The following SPDYA variants were observed in gnomAD, a reference collection of about 807,000 sequenced individuals.
The protein encoded by SPDYA is speedy protein A.
Under a neutral mutation model 36.7 loss-of-function variants are expected in SPDYA, and 11 were observed. That is an observed-to-expected ratio of 0.30 (90% CI 0.19 to 0.50). The LOEUF is 0.50. SPDYA is among the 20% of genes least tolerant of loss of function. The pLI, the probability that SPDYA is intolerant of heterozygous loss-of-function variation, is 0.98. For missense variants in SPDYA, 287 were observed against 370.9 expected, an observed-to-expected ratio of 0.77 and a Z score of 1.86; for synonymous variants, 115 against 118.7, an observed-to-expected ratio of 0.97 and a Z score of 0.20.
chr2:28,831,712 CA>C (rs1235371860), intron 6 of SPDYA, among the ~76,000 whole-genome samples: 1 of 152,184 alleles, frequency 6.6e-6, no homozygotes, highest in Admixed American at 6.5e-5. Context: ...CCTCACACTT[CA>C]ATTACAACAA....
At chr2:28,834,153 G>T (rs1668536801) in intron 6 of SPDYA, among the ~76,000 whole-genome samples, 1 of 151,718 alleles carries the variant, frequency 6.6e-6, no homozygotes, top group African/African-American at 2.4e-5. Context: ...GTCAGGGATT[G>T]CAAATCAAAA....
intron 5 of SPDYA, among the ~76,000 whole-genome samples, chr2:28,824,743 G>T (rs1668276601): frequency 6.6e-6 from 1 of 151,710 alleles, no homozygotes; most frequent in Non-Finnish European, 1.5e-5. Context: ...TAGAGATGGG[G>T]TTTCACTGTG....
At chr2:28,822,238 C>G in intron 4 of SPDYA, 87 bp from the exon 5 acceptor site, 1 of 559,506 alleles carries the variant, frequency 1.8e-6, no homozygotes, top group Non-Finnish European at 3.1e-6. Context: ...GCTTATTCAT[C>G]AGAAAATTTT....
intron 2 of SPDYA, among the ~76,000 whole-genome samples, chr2:28,815,674 A>G (rs1331030047): frequency 2.0e-5 from 3 of 152,214 alleles, no homozygotes; most frequent in Non-Finnish European, 4.4e-5. Context: ...GCCGGAAAAA[A>G]GAAGACTACA....
rs144755687 is a variant in SPDYA, at chr2:28,832,581, A to T, written c.552+3262A>T. ...CTCAAACTTAACGTGCCTAAAATTG[A>T]ACTCCTGACTCCTTGACACAGACCT... On this transcript the variant is annotated intron_variant, in intron 6 of 7. Transcript: ENST00000334056. 1.8e-3 allele frequency among the ~76,000 whole-genome samples: 269 copies of T among 152,264 alleles called. 1 individual carries two copies. The highest frequency in any genetic ancestry group is 2.4e-3 in the Non-Finnish European group (160 of 68,024).
In SPDYA at chr2:28,811,693, G is replaced by A. The variant is rs1234718720; in HGVS notation, c.-93+746G>A. On this transcript the variant is annotated intron_variant, in intron 1 of 7. Transcript: ENST00000334056. This position sits in a 1 kb window ranked among gnomAD's most constrained non-coding sequence, Gnocchi z 4.2. ...AAAAATTAACCGGGCATGGTGGTGC[G>A]CACTTGTAATCCCAGCTACTTGGGA... 6.6e-6 allele frequency among the ~76,000 whole-genome samples: 1 copy of A among 152,000 alleles called. No homozygotes were observed. Among genetic ancestry groups the A allele is most frequent in the Non-Finnish European group, 1.5e-5 (1 of 68,014 alleles).
At chr2:28,814,754 T>G (rs1445042603) in intron 2 of SPDYA, 68 bp downstream of exon 2, 2 of 152,186 alleles carry the variant, frequency 1.3e-5, no homozygotes, top group Non-Finnish European at 2.9e-5. Context: ...AGTAGTTTCC[T>G]GTGTTGCCTA....
At chr2:28,813,181 T>G (rs1205033097) in intron 1 of SPDYA, among the ~76,000 whole-genome samples, 2 of 152,208 alleles carry the variant, frequency 1.3e-5, no homozygotes, top group Non-Finnish European at 2.9e-5. Context: ...ATTTCAGACA[T>G]TTTCTTCTCA....
At chr2:28,819,849 A>T (rs12467249) in intron 4 of SPDYA, among the ~76,000 whole-genome samples, 18 of 17,794 alleles carry the variant, frequency 1.0e-3, no homozygotes, top group East Asian at 6.3e-3. Context: ...AAAAAAAAAA[A>T]ATATATATAT....
intron 6 of SPDYA, among the ~76,000 whole-genome samples, chr2:28,832,217 T>C (rs930655897): frequency 1.3e-5 from 2 of 152,164 alleles, no homozygotes; most frequent in African/African-American, 2.4e-5. Flanking sequence ...CCACCAAATA[T>C]CTCTATATGG....
intron 6 of SPDYA, among the ~76,000 whole-genome samples, chr2:28,834,807 T>G (rs545527174): frequency 2.0e-4 from 30 of 152,328 alleles, no homozygotes; most frequent in African/African-American, 7.2e-4. Context: ...ACTCTGAATA[T>G]ATTGAATATC....
chr2:28,849,725 C>T (rs1668987231), intron 7 of SPDYA, 125 bp from the exon 8 acceptor site: 1 of 568,858 alleles, frequency 1.8e-6, no homozygotes, highest in South Asian at 2.6e-5. Flanking sequence ...TCTTAAGTTT[C>T]CCCCCATTAT....
intron 6 of SPDYA, among the ~76,000 whole-genome samples, chr2:28,835,414 T>G (rs1668571029): frequency 6.6e-6 from 1 of 152,150 alleles, no homozygotes; most frequent in Non-Finnish European, 1.5e-5. Flanking sequence ...TTTTGTATTT[T>G]TAGTAGAGAC....
At chr2:28,815,769 A>G (rs939670404) in intron 2 of SPDYA, among the ~76,000 whole-genome samples, 1 of 152,226 alleles carries the variant, frequency 6.6e-6, no homozygotes, top group Non-Finnish European at 1.5e-5. Context: ...GGCATACAGT[A>G]TCTTCTTATT....
At chr2:28,846,370 T>C (rs951863213) in intron 7 of SPDYA, among the ~76,000 whole-genome samples, 32 of 152,186 alleles carry the variant, frequency 2.1e-4, no homozygotes, top group African/African-American at 7.7e-4. Context: ...ACTGCACCAC[T>C]GCACTCCAGC....
intron 7 of SPDYA, among the ~76,000 whole-genome samples, chr2:28,846,153 C>T (rs1668869468): frequency 6.6e-6 from 1 of 152,084 alleles, no homozygotes; most frequent in Non-Finnish European, 1.5e-5. Flanking sequence ...GCCTGTAATC[C>T]CAGCACTTTG....
Position 28,840,474 on chromosome 2 carries a change from G to A in SPDYA, c.850+5G>A, listed in dbSNP as rs1387259121. 6.2e-7 allele frequency: 1 copy of A among 1,612,408 alleles called. No individual in the cohort carries two copies. The highest frequency in any genetic ancestry group is 2.2e-5 in the East Asian group (1 of 44,850). ...AAGCTTATACTGGTTCTGAAGGTAT[G>A]ATTTAGTAATATGCCAGAATTAGAT... On this transcript the variant is annotated splice_donor_5th_base_variant and intron_variant, in intron 7 of 7. Transcript: ENST00000334056.
At chr2:28,832,116 C>G (rs1668493118) in intron 6 of SPDYA, among the ~76,000 whole-genome samples, 1 of 152,186 alleles carries the variant, frequency 6.6e-6, no homozygotes. Context: ...TGAAGAATTG[C>G]TTGTATTCTA....
At chr2:28,847,073 T>C (rs567180911) in intron 7 of SPDYA, among the ~76,000 whole-genome samples, 5 of 152,350 alleles carry the variant, frequency 3.3e-5, no homozygotes, top group Middle Eastern at 6.8e-3. Context: ...CCACGTGCAG[T>C]GGCTCATTCC....
Sources: gnomAD v4.1 joint callset for allele counts (sites outside exome capture counted in the v4.1 genomes callset) on GRCh38, gnomAD v4.1.1 for gene constraint, Gnocchi (gnomAD v3.1) non-coding constraint, MANE v1.5 for transcripts, NCBI Gene and HGNC (gene_info 2026-07-23, HGNC 2026-07-21) for gene names.